MOK: variants seen among roughly 807,000 people sequenced by gnomAD.
The protein encoded by MOK is MAPK/MAK/MRK overlapping kinase.
Under a neutral mutation model 54.2 loss-of-function variants are expected in MOK, and 59 were observed. That is an observed-to-expected ratio of 1.09 (90% CI 0.88 to 1.35). The LOEUF (loss-of-function observed/expected upper bound fraction) is 1.35. Ranked by LOEUF, MOK falls within the 40% of genes most tolerant of loss-of-function variation. The probability of loss-of-function intolerance (pLI) is 0.00; values close to 1 mark genes in which losing one functional copy is unlikely to be tolerated. For synonymous variants in MOK, 210 were observed against 202.7 expected (o/e 1.04, Z -0.31); for missense variants, 517 against 526.2 (o/e 0.98, Z 0.17).
chr14:102,237,338 C>A (rs1415432602), intron 7 of MOK, among the ~76,000 whole-genome samples: 3 of 152,200 alleles, frequency 2.0e-5, no homozygotes, highest in African/African-American at 7.2e-5. Flanking sequence ...GTCTCCCCCT[C>A]CGAAGCTCAA....
intron 7 of MOK, among the ~76,000 whole-genome samples, chr14:102,248,102 A>G (rs551083686): frequency 1.3e-5 from 2 of 152,210 alleles, no homozygotes; most frequent in Non-Finnish European, 2.9e-5. Context: ...CCCAGCAAGA[A>G]GTGGCCAGAC....
At chr14:102,251,177 G>A (rs2066499006) in intron 6 of MOK, among the ~76,000 whole-genome samples, 187 bp from the exon 7 acceptor site, 1 of 152,256 alleles carries the variant, frequency 6.6e-6, no homozygotes, top group Non-Finnish European at 1.5e-5. Flanking sequence ...TGTCTATTCA[G>A]TGGAACAGGT....
chr14:102,296,031 A>C (rs2071382267), intron 1 of MOK, among the ~76,000 whole-genome samples: 1 of 152,122 alleles, frequency 6.6e-6, no homozygotes, highest in Non-Finnish European at 1.5e-5. Flanking sequence ...CGATCACCTG[A>C]GGTCAGGAGT....
At chr14:102,224,566 A>G (rs1475461049), downstream of MOK, 2 of 455,966 alleles carry the variant, frequency 4.4e-6, no homozygotes, top group African/African-American at 4.0e-5. Context: ...TCTCTAATTC[A>G]TCACATTAAA....
chr14:102,261,738 T>C (rs1457793372), intron 4 of MOK, among the ~76,000 whole-genome samples: 1 of 150,206 alleles, frequency 6.7e-6, no homozygotes, highest in Non-Finnish European at 1.5e-5. Flanking sequence ...GGTTTTGCCA[T>C]ATTGGCCAGG....
intron 2 of MOK, chr14:102,283,254 T>TA (rs2069663010): frequency 2.5e-6 from 1 of 397,906 alleles, no homozygotes; most frequent in Non-Finnish European, 4.5e-6. Context: ...TTTTGAAACT[T>TA]AAACTTTTTT....
chr14:102,286,948 T>TAAC (rs71468394), intron 1 of MOK, among the ~76,000 whole-genome samples: 2 of 150,792 alleles, frequency 1.3e-5, no homozygotes, highest in African/African-American at 4.9e-5. Flanking sequence ...ATAATAATAA[T>TAAC]GTCCTTAAAA....
rs761841708 is a variant in MOK at position 102,232,701 on chromosome 14, C to T, written c.700G>A (p.Ala234Thr). 1 of 1,612,694 alleles carries T rather than the reference C, an allele frequency of 6.2e-7. No homozygotes were observed. The highest frequency in any genetic ancestry group is 1.7e-5 in the Admixed American group (1 of 59,878). Residue 234 changes from alanine (A) to threonine (T), a missense_variant, in exon 9 of 12, where the codon GCT (alanine) becomes ACT (threonine). Ala to Thr is a moderately conservative substitution (Grantham distance 58). Coordinates refer to ENST00000361847, the MANE Select transcript of MOK (RefSeq NM_014226.3). The surrounding 1 kb of genome is among the most constrained non-coding windows in gnomAD (Gnocchi z 5.1). ...KILTKFKQSR[A>T]MNFDFPFKKG... is the part of the protein sequence containing the mutation. ...TTAAAAGGAAAATCAAAATTCATAGCTCTCGACCTGTATTAAAAACCCAAT... is the reference window on the plus strand; with the variant it reads ...TTAAAAGGAAAATCAAAATTCATAGTTCTCGACCTGTATTAAAAACCCAAT...
chr14:102,260,176 CAAA>C (rs770385409), intron 4 of MOK, among the ~76,000 whole-genome samples: 1 of 76,248 alleles, frequency 1.3e-5, no homozygotes. Flanking sequence ...AACTCCATCT[CAAA>C]AAAAAAAAAA....
At chr14:102,277,593 G>A (rs1014645362) in intron 2 of MOK, 1 of 151,874 alleles carries the variant, frequency 6.6e-6, no homozygotes, top group African/African-American at 2.4e-5. Context: ...ACTCCAGGCT[G>A]GGCAACAGAG....
chr14:102,261,536 T>G (rs1301666114), intron 4 of MOK, among the ~76,000 whole-genome samples: 1 of 149,012 alleles, frequency 6.7e-6, no homozygotes, highest in Admixed American at 6.7e-5. Flanking sequence ...CTTTTATTTT[T>G]TTTTTATTTT....
intron 1 of MOK, among the ~76,000 whole-genome samples, chr14:102,297,179 A>C (rs2071520178): frequency 1.3e-5 from 2 of 152,014 alleles, no homozygotes; most frequent in Non-Finnish European, 1.5e-5. Context: ...AACACGGTGA[A>C]ACCCCATCTC....
chr14:102,229,665 C>T lies in MOK; in HGVS notation c.982-8G>A, dbSNP rs2064485036. On this transcript the variant is annotated splice_region_variant and splice_polypyrimidine_tract_variant and intron_variant, in intron 10 of 11. Coordinates refer to ENST00000361847, the MANE Select transcript of MOK (RefSeq NM_014226.3). ...TTGCTTTAGGGACTGTTTCTTGAAACAGAACAGAGGCCAGTTGGACATAAA... is the reference window on the plus strand; with the variant it reads ...TTGCTTTAGGGACTGTTTCTTGAAATAGAACAGAGGCCAGTTGGACATAAA... 6.3e-7 allele frequency: 1 copy of T among 1,597,976 alleles called. No homozygotes were observed. Among genetic ancestry groups the T allele is most frequent in the Non-Finnish European group, 8.5e-7 (1 of 1,171,962 alleles).
chr14:102,250,471 A>G (rs981729073), intron 7 of MOK, among the ~76,000 whole-genome samples: 2 of 151,962 alleles, frequency 1.3e-5, no homozygotes, highest in Non-Finnish European at 2.9e-5. Flanking sequence ...ACCCTACCTA[A>G]TATGACTGCA....
chr14:102,282,590 C>T (rs943328422), intron 2 of MOK, among the ~76,000 whole-genome samples: 1 of 151,542 alleles, frequency 6.6e-6, no homozygotes, highest in Non-Finnish European at 1.5e-5. Context: ...CAAAAATTAG[C>T]CAGGCGTGTG....
At chr14:102,251,054 C>T in intron 6 of MOK, 64 bp from the exon 7 acceptor site, 1 of 1,527,378 alleles carries the variant, frequency 6.5e-7, no homozygotes, top group Non-Finnish European at 8.9e-7. Context: ...ATACAAACCA[C>T]TCCAAATATT....
At chr14:102,291,201 A>G (rs181158147) in intron 1 of MOK, among the ~76,000 whole-genome samples, 259 of 152,302 alleles carry the variant, frequency 1.7e-3, no homozygotes, top group African/African-American at 6.1e-3. Context: ...CTTGACAACT[A>G]TAGCTTAACT....
chr14:102,300,065 T>C (rs1161020407), intron 1 of MOK, among the ~76,000 whole-genome samples: 1 of 151,990 alleles, frequency 6.6e-6, no homozygotes, highest in Admixed American at 6.6e-5. Context: ...GGCTCATGCA[T>C]ATAATCCCAG....
chr14:102,253,053 T>C (rs1363634950), intron 4 of MOK, among the ~76,000 whole-genome samples: 1 of 152,246 alleles, frequency 6.6e-6, no homozygotes, highest in Non-Finnish European at 1.5e-5. Flanking sequence ...ACTCTGCTGC[T>C]GCTCTAGCAC....
Sources: gnomAD v4.1 joint callset for allele counts (sites outside exome capture counted in the v4.1 genomes callset) on GRCh38, gnomAD v4.1.1 for gene constraint, Gnocchi (gnomAD v3.1) non-coding constraint, MANE v1.5 for transcripts, NCBI Gene and HGNC (gene_info 2026-07-23, HGNC 2026-07-21) for gene names.